The following FGGY variants were observed in gnomAD, a reference collection of about 807,000 sequenced individuals.
FGGY encodes FGGY carbohydrate kinase domain containing.
FGGY carries 72 observed loss-of-function variants against 71.3 expected under a neutral mutation model. The ratio of observed to expected loss-of-function variants is 1.01; its 90% confidence interval spans 0.84 to 1.23. The LOEUF is 1.23. Among genes scored for constraint, FGGY ranks in the 50% most tolerant of loss-of-function variants. The pLI is 0.00. For synonymous variants in FGGY, 251 were observed against 250.3 expected (o/e 1.00, Z -0.02); for missense variants, 668 against 682.3 (o/e 0.98, Z 0.23).
intron 10 of FGGY, among the ~76,000 whole-genome samples, chr1:59,637,163 A>G (rs1446602310): frequency 6.6e-6 from 1 of 152,188 alleles, no homozygotes; most frequent in Non-Finnish European, 1.5e-5. Context: ...ATTGGAGGTC[A>G]GAGGTTAAGT....
At chr1:59,640,066 G>A (rs1572477602) in intron 11 of FGGY, among the ~76,000 whole-genome samples, 1 of 152,296 alleles carries the variant, frequency 6.6e-6, no homozygotes, top group African/African-American at 2.4e-5. Context: ...ATGCCCAGTT[G>A]TATCTAAAAA....
rs149894750 is a variant in FGGY, at chr1:59,384,652, A to AT, written c.554+5816dup. On this transcript the variant is annotated intron_variant, in intron 5 of 15. Transcript: ENST00000303721. ...GAGGGAAATCCTTGTGGTCAGACTG[A>AT]TCTGGTTTCAGTGTCTCCATCATGT... Among the ~76,000 whole-genome samples, 592 of 152,234 alleles carry AT rather than the reference A, an allele frequency of 3.9e-3. 11 individuals are homozygous for AT. The highest frequency in any genetic ancestry group is 0.027 in the East Asian group (138 of 5,160).
chr1:59,515,901 G>A (rs1255213914), intron 7 of FGGY, among the ~76,000 whole-genome samples: 5 of 152,108 alleles, frequency 3.3e-5, no homozygotes, highest in African/African-American at 7.2e-5. Context: ...CCATATTTTT[G>A]TTAGTGGAAA....
rs1047369580 is a variant in FGGY at position 59,698,989 on chromosome 1, T to C, written c.1512+24856T>C. The C allele has an allele frequency of 6.1e-6, 6 of 985,178 alleles. No individual in the cohort carries two copies. In the African/African-American group the frequency reaches 1.0e-4, roughly 17 times the overall value. The allele number at this position is 985,178 out of a possible 1,614,324, so 61.0% of individuals were successfully genotyped here. A position where few individuals can be genotyped will look rare whatever the true frequency, so the allele number is the denominator to read the frequency against. On this transcript the variant is annotated intron_variant, in intron 14 of 15. Coordinates refer to ENST00000303721, the MANE Select transcript of FGGY (RefSeq NM_018291.5). ...CTGCCAAATCTAAATGAAAACCATGTTTAAATATGTTTAATAAGATTATAG... is the reference window on the plus strand; with the variant it reads ...CTGCCAAATCTAAATGAAAACCATGCTTAAATATGTTTAATAAGATTATAG...
At chr1:59,331,041 G>A (rs1411579441) in intron 2 of FGGY, among the ~76,000 whole-genome samples, 1 of 151,984 alleles carries the variant, frequency 6.6e-6, no homozygotes, top group African/African-American at 2.4e-5. Flanking sequence ...TATGTTCTCT[G>A]TGTCTGGCAC....
At chr1:59,672,384 C>T (rs1465058064) in intron 13 of FGGY, among the ~76,000 whole-genome samples, 1 of 152,224 alleles carries the variant, frequency 6.6e-6, no homozygotes, top group Non-Finnish European at 1.5e-5. Context: ...CTCATTAAGC[C>T]TCACAACACA....
At chr1:59,430,825 G>GAA (rs1217274709) in intron 5 of FGGY, among the ~76,000 whole-genome samples, 83 of 152,066 alleles carry the variant, frequency 5.5e-4, no homozygotes, top group Non-Finnish European at 1.0e-3. Context: ...TATCAGCCCT[G>GAA]TACCTCTCCT....
At chr1:59,570,424 ATT>A (rs2095964611) in intron 8 of FGGY, among the ~76,000 whole-genome samples, 1 of 152,228 alleles carries the variant, frequency 6.6e-6, no homozygotes, top group Admixed American at 6.5e-5. Context: ...TTCCTGCCAG[ATT>A]TGGAGCACAC....
At chr1:59,525,421 G>A (rs535411744) in intron 7 of FGGY, among the ~76,000 whole-genome samples, 20 of 152,284 alleles carry the variant, frequency 1.3e-4, no homozygotes, top group East Asian at 3.9e-4. Context: ...GTGACACCCC[G>A]AGGATCCCAT....
chr1:59,436,634 C>G (rs1421218507), intron 5 of FGGY, among the ~76,000 whole-genome samples: 1 of 152,094 alleles, frequency 6.6e-6, no homozygotes, highest in East Asian at 1.9e-4. Context: ...TGAAGAGTTC[C>G]TGAATTTGCT....
At chr1:59,741,938 C>T (rs1445100791) in intron 14 of FGGY, among the ~76,000 whole-genome samples, 2 of 85,214 alleles carry the variant, frequency 2.3e-5, no homozygotes, top group South Asian at 8.6e-4. Context: ...GACTCCATCT[C>T]AAAAAAAAAA....
intron 5 of FGGY, among the ~76,000 whole-genome samples, chr1:59,414,908 AG>A (rs1413389660): frequency 6.6e-6 from 1 of 152,198 alleles, no homozygotes; most frequent in African/African-American, 2.4e-5. Flanking sequence ...CTGGCTTACA[AG>A]GCAGGGTGGA....
chr1:59,552,833 C>T (rs1462316033), intron 7 of FGGY, among the ~76,000 whole-genome samples: 2 of 152,196 alleles, frequency 1.3e-5, no homozygotes, highest in African/African-American at 2.4e-5. Flanking sequence ...TGTACTCTTA[C>T]TTCCTGTATT....
intron 14 of FGGY, among the ~76,000 whole-genome samples, chr1:59,718,804 C>A (rs1378819292): frequency 6.6e-6 from 1 of 152,180 alleles, no homozygotes; most frequent in Non-Finnish European, 1.5e-5. Context: ...CCTTGCCAAG[C>A]GTGGTATTGC....
chr1:59,372,676 C>T (rs1351995674), intron 4 of FGGY, among the ~76,000 whole-genome samples: 2 of 152,148 alleles, frequency 1.3e-5, no homozygotes, highest in African/African-American at 4.8e-5. Context: ...TACTGGCAAA[C>T]TGAATCCAGC....
intron 5 of FGGY, among the ~76,000 whole-genome samples, chr1:59,454,218 G>A (rs2153506023): frequency 6.6e-6 from 1 of 152,260 alleles, no homozygotes; most frequent in African/African-American, 2.4e-5. Context: ...GACATCTGGG[G>A]ATTTAGGAGT....
intron 11 of FGGY, among the ~76,000 whole-genome samples, chr1:59,639,425 T>A (rs180708721): frequency 8.5e-4 from 130 of 152,318 alleles, no homozygotes; most frequent in African/African-American, 3.1e-3. Context: ...AAAGGTTATG[T>A]TGATCTGGAG....
rs1414999201 is a variant in FGGY, at chr1:59,478,391, A to T, written c.670+21315A>T. ...GGTATAAAGCTATAACCTCACCTCA[A>T]TTTATTTTGTTCCCATGTTTGGTTT... On this transcript the variant is annotated intron_variant, in intron 6 of 15. Coordinates refer to ENST00000303721, the MANE Select transcript of FGGY (RefSeq NM_018291.5). Among the ~76,000 whole-genome samples, 5 of 152,122 alleles carry T rather than the reference A, an allele frequency of 3.3e-5. No homozygotes were observed. In the East Asian group the frequency reaches 7.7e-4, roughly 23 times the overall value.
intron 6 of FGGY, among the ~76,000 whole-genome samples, chr1:59,473,562 C>T (rs1299976374): frequency 6.6e-6 from 1 of 152,142 alleles, no homozygotes; most frequent in African/African-American, 2.4e-5. Context: ...GACATGGAGG[C>T]ATGGAAGAGT....
Sources: gnomAD v4.1 joint callset for allele counts (sites outside exome capture counted in the v4.1 genomes callset) on GRCh38, gnomAD v4.1.1 for gene constraint, MANE v1.5 for transcripts, NCBI Gene and HGNC (gene_info 2026-07-23, HGNC 2026-07-21) for gene names.